Variants in PDE4D observed in about 807,000 individuals in gnomAD.
The protein encoded by PDE4D is 3',5'-cyclic-AMP phosphodiesterase 4D.
A neutral mutation model predicts 87.4 loss-of-function variants in PDE4D; 24 were observed. The ratio of observed to expected loss-of-function variants is 0.27; its 90% CI spans 0.20 to 0.39. The LOEUF (loss-of-function observed/expected upper bound fraction) is 0.39. Among genes scored for constraint, PDE4D ranks in the 10% least tolerant of loss-of-function variants. The probability of loss-of-function intolerance (pLI) is 1.00; values close to 1 mark genes in which losing one functional copy is unlikely to be tolerated. For synonymous variants in PDE4D, 384 were observed against 383.2 expected, an observed-to-expected ratio of 1.00 and a Z score of -0.02; for missense variants, 714 against 1,041.0, an observed-to-expected ratio of 0.69 and a Z score of 4.32.
At chr5:60,079,198 C>T (rs768413966) in intron 2 of PDE4D, among the ~76,000 whole-genome samples, 17 of 152,174 alleles carry the variant, frequency 1.1e-4, no homozygotes, top group Admixed American at 3.3e-4. Context: ...TGAGAAGTGT[C>T]TGTTCATATC....
chr5:59,796,488 A>G (rs1291593679), intron 1 of PDE4D, among the ~76,000 whole-genome samples: 5 of 152,054 alleles, frequency 3.3e-5, no homozygotes, highest in Non-Finnish European at 5.9e-5. Flanking sequence ...CACTGCCCCC[A>G]CTGTCTTCAG....
intron 1 of PDE4D, among the ~76,000 whole-genome samples, chr5:59,383,390 C>A (rs1434731050): frequency 6.6e-6 from 1 of 152,124 alleles, no homozygotes; most frequent in Non-Finnish European, 1.5e-5. Context: ...TATCCCCACT[C>A]CCCTTCAATC....
chr5:59,574,147 TATATATTTATATA>T (rs1822688600), intron 1 of PDE4D, among the ~76,000 whole-genome samples: 1 of 69,314 alleles, frequency 1.4e-5, no homozygotes. Context: ...TATATATAAA[TATATATTTATATA>T]TATATATATA....
At chr5:59,655,093 C>T (rs1744140299) in intron 1 of PDE4D, among the ~76,000 whole-genome samples, 1 of 150,896 alleles carries the variant, frequency 6.6e-6, no homozygotes, top group Non-Finnish European at 1.5e-5. Context: ...CTGTGTTTAA[C>T]AATTTGAGGA....
At chr5:59,597,569 G>C (rs989065557) in intron 1 of PDE4D, among the ~76,000 whole-genome samples, 1 of 151,980 alleles carries the variant, frequency 6.6e-6, no homozygotes, top group African/African-American at 2.4e-5. Flanking sequence ...GAAATACTGT[G>C]ATATTTTTAG....
chr5:60,102,259 G>GT (rs1379396569), intron 2 of PDE4D, among the ~76,000 whole-genome samples: 7 of 151,606 alleles, frequency 4.6e-5, no homozygotes, highest in African/African-American at 1.2e-4. Flanking sequence ...CTTTTTTTTA[G>GT]TTTTTTTAAT....
chr5:60,454,410 C>T (rs1447522577), intron 1 of PDE4D, among the ~76,000 whole-genome samples: 1 of 152,040 alleles, frequency 6.6e-6, no homozygotes, highest in Non-Finnish European at 1.5e-5. Flanking sequence ...AAATGCCGAT[C>T]AATGATAGAC....
intron 1 of PDE4D, among the ~76,000 whole-genome samples, chr5:60,210,558 T>C (rs187806941): frequency 6.6e-6 from 1 of 152,066 alleles, no homozygotes; most frequent in Non-Finnish European, 1.5e-5. Context: ...TAGCAAAAGA[T>C]AGTAAAGGCT....
intron 5 of PDE4D, among the ~76,000 whole-genome samples, chr5:59,151,836 A>C (rs867689864): frequency 1.3e-5 from 2 of 152,276 alleles, no homozygotes; most frequent in Middle Eastern, 3.4e-3. Flanking sequence ...GGGAATGAAT[A>C]GGGTGAAGAG....
chr5:59,687,911 T>C (rs1357543348), intron 1 of PDE4D, among the ~76,000 whole-genome samples: 8 of 151,686 alleles, frequency 5.3e-5, no homozygotes, highest in Non-Finnish European at 8.8e-5. Context: ...AAAGGTGGGG[T>C]TGCAATCCTA....
intron 6 of PDE4D, among the ~76,000 whole-genome samples, chr5:59,032,053 G>A (rs1041510928): frequency 6.6e-5 from 10 of 152,030 alleles, no homozygotes; most frequent in Admixed American, 1.3e-4. Flanking sequence ...AATTAATAAC[G>A]TATTATATGT....
intron 5 of PDE4D, among the ~76,000 whole-genome samples, chr5:59,094,558 G>C (rs796833288): frequency 2.2e-4 from 34 of 152,058 alleles, no homozygotes; most frequent in African/African-American, 8.0e-4. Context: ...CCAGGGCAAT[G>C]GATAAAAATG....
chr5:59,722,907 G>C (rs1033238166), intron 1 of PDE4D, among the ~76,000 whole-genome samples: 1 of 152,014 alleles, frequency 6.6e-6, no homozygotes, highest in African/African-American at 2.4e-5. Flanking sequence ...CCCTTTTTCT[G>C]TTGTTGAATG....
At chr5:58,991,804 A>C in intron 8 of PDE4D, 28 bp downstream of exon 8, 1 of 1,371,456 alleles carries the variant, frequency 7.3e-7, no homozygotes, top group Non-Finnish European at 9.6e-7. Flanking sequence ...TTTAATATTT[A>C]TGATCCTGAT....
At chr5:59,994,086 A>G (rs139081044) in intron 2 of PDE4D, among the ~76,000 whole-genome samples, 2 of 151,908 alleles carry the variant, frequency 1.3e-5, no homozygotes, top group Non-Finnish European at 2.9e-5. Context: ...TTTATCCAAG[A>G]TATTTAATTA....
chr5:59,406,232 T>C (rs965008753), intron 1 of PDE4D, among the ~76,000 whole-genome samples: 4 of 152,186 alleles, frequency 2.6e-5, no homozygotes, highest in African/African-American at 9.6e-5. Context: ...GTTTTGGATT[T>C]CGTCATGGTT....
intron 5 of PDE4D, among the ~76,000 whole-genome samples, chr5:59,168,346 C>T (rs1457905267): frequency 4.6e-5 from 7 of 152,170 alleles, no homozygotes; most frequent in Non-Finnish European, 1.0e-4. Context: ...TGAAGCACTG[C>T]GTTACCCTGG....
At chr5:60,009,660 G>A (rs2081894403) in intron 2 of PDE4D, among the ~76,000 whole-genome samples, 1 of 151,946 alleles carries the variant, frequency 6.6e-6, no homozygotes, top group Non-Finnish European at 1.5e-5. Flanking sequence ...TGCAAACCAG[G>A]GACCTCAAAT....
intron 1 of PDE4D, among the ~76,000 whole-genome samples, chr5:60,511,209 A>T (rs1750558732): frequency 6.6e-6 from 1 of 152,032 alleles, no homozygotes; most frequent in South Asian, 2.1e-4. Context: ...ACCTCAAGTG[A>T]TCCTCCCACC....
Sources: gnomAD v4.1 joint callset for allele counts (sites outside exome capture counted in the v4.1 genomes callset) on GRCh38, gnomAD v4.1.1 for gene constraint, MANE v1.5 for transcripts, NCBI Gene and HGNC (gene_info 2026-07-23, HGNC 2026-07-21) for gene names.